The following VWDE variants were observed in gnomAD, a reference collection of about 807,000 sequenced individuals.
VWDE encodes the protein von Willebrand factor D and EGF domains, also known as von Willebrand factor D and EGF domain-containing protein.
Under a neutral mutation model 178.4 loss-of-function variants are expected in VWDE, and 207 were observed. That is an observed-to-expected ratio of 1.16 (90% CI 1.04 to 1.30). VWDE has a LOEUF of 1.30. VWDE is among the 50% of genes most tolerant of loss of function. The pLI is 0.00. For synonymous variants in VWDE, 738 were observed against 651.4 expected (o/e 1.13, Z -2.02); for missense variants, 2,287 against 1,901.3 (o/e 1.20, Z -3.77).
chr7:12,356,614 C>A (rs991619498), intron 17 of VWDE, among the ~76,000 whole-genome samples: 5 of 152,020 alleles, frequency 3.3e-5, no homozygotes, highest in Non-Finnish European at 5.9e-5. Flanking sequence ...GCAAGTAGAA[C>A]AACTTAAAAA....
rs2128567137 is a variant in VWDE at position 12,403,656 on chromosome 7, T to G, written c.58+3A>C. ...CCACCCCCGCGCGCCCTACCTCGCT[T>G]ACCTTCCCCCCAGGCCAGGAACATC... On this transcript the variant is annotated splice_donor_region_variant and intron_variant, in intron 1 of 28. Transcript: ENST00000275358. 1 of 1,543,042 alleles carries G rather than the reference T, an allele frequency of 6.5e-7. No individual in the cohort carries two copies. Among genetic ancestry groups the G allele is most frequent in the Non-Finnish European group, 8.7e-7 (1 of 1,145,532 alleles).
Position 12,370,772 on chromosome 7 carries a change from GTT to G in VWDE, c.1678_1679del (p.Asn560HisfsTer9). The G allele has an allele frequency of 1.3e-6, 2 of 1,549,518 alleles. No homozygotes were observed. Reference protein sequence around the residue: ...TIRAPSVDYRNTLGLCGTFDE... With the variant: ...TIRAPSVDYRXTLGLCGTFDE... Reference sequence around the variant, plus strand: ...CAAAGGTTCCACAAAGTCCCAGAGTGTTTCTGTAATCTACACTAGGGGCTCTG... The same window carrying G: ...CAAAGGTTCCACAAAGTCCCAGAGTGTCTGTAATCTACACTAGGGGCTCTG... On this transcript the variant is annotated frameshift_variant, in exon 11 of 29. Coordinates refer to ENST00000275358, the MANE Select transcript of VWDE (RefSeq NM_001135924.3). LOFTEE classifies it high-confidence loss of function.
rs1583370444 is a variant in VWDE, at chr7:12,403,648, A to C, written c.58+11T>G. The C allele has an allele frequency of 6.5e-7, 1 of 1,539,966 alleles. No individual in the cohort carries two copies. Among genetic ancestry groups the C allele is most frequent in the Admixed American group, 2.0e-5 (1 of 50,860 alleles). ...CTGCGCGCCCACCCCCGCGCGCCCTACCTCGCTTACCTTCCCCCCAGGCCA... is the reference window on the plus strand; with the variant it reads ...CTGCGCGCCCACCCCCGCGCGCCCTCCCTCGCTTACCTTCCCCCCAGGCCA... On this transcript the variant is annotated intron_variant, in intron 1 of 28. Transcript: ENST00000275358.
At chr7:12,397,531 T>A (rs767962787) in intron 1 of VWDE, among the ~76,000 whole-genome samples, 5 of 152,026 alleles carry the variant, frequency 3.3e-5, no homozygotes, top group Non-Finnish European at 5.9e-5. Flanking sequence ...TATGACTAAG[T>A]TCTCAAAAGC....
chr7:12,396,221 T>G (rs1048748226), intron 1 of VWDE, among the ~76,000 whole-genome samples: 4 of 152,158 alleles, frequency 2.6e-5, no homozygotes, highest in African/African-American at 9.7e-5. Flanking sequence ...CAGTTTAATG[T>G]AATGACCAAC....
chr7:12,361,211 G>A lies in VWDE; in HGVS notation c.3095C>T (p.Thr1032Met), dbSNP rs2053380. 1,117,060 of 1,542,508 alleles carry A rather than the reference G, an allele frequency of 0.72. 407,737 individuals are homozygous for A. The highest frequency in any genetic ancestry group is 0.88 in the African/African-American group (64,099 of 72,982). The change falls in exon 15 of 29, where the codon ACG becomes ATG. Residue 1032 changes from threonine (T) to methionine (M), a missense_variant. Coordinates refer to ENST00000275358, the MANE Select transcript of VWDE (RefSeq NM_001135924.3). ...TTGGCAAGCACCATCATATATGACC[G>A]TTATTTTGGGATTACTGAATTTATA... ...DGYKFSNPKI[T>M]VIYDGACQVC...
At position 12,330,940 on chromosome 7, in the gene VWDE, A is replaced by T. The variant is rs1443908602; in HGVS notation, c.*243T>A. 6 of 427,792 alleles carry T rather than the reference A, an allele frequency of 1.4e-5. No individual in the cohort carries two copies. Among genetic ancestry groups the T allele is most frequent in the Non-Finnish European group, 2.5e-5 (6 of 238,966 alleles). The allele number at this position is 427,792 out of a possible 1,614,324, so 26.5% of individuals were successfully genotyped here. ...ATATTGTGAATGGGTGGAATATCAGATACATCATCTCAATATGTAAATATC... is the reference window on the plus strand; with the variant it reads ...ATATTGTGAATGGGTGGAATATCAGTTACATCATCTCAATATGTAAATATC... On this transcript the variant is annotated 3_prime_UTR_variant, in exon 29 of 29. Transcript: ENST00000275358.
At chr7:12,393,333 T>A (rs1784473382) in intron 2 of VWDE, among the ~76,000 whole-genome samples, 1 of 152,160 alleles carries the variant, frequency 6.6e-6, no homozygotes, top group Non-Finnish European at 1.5e-5. Flanking sequence ...TTGATGGAAA[T>A]GATGATAGAT....
In VWDE at chr7:12,369,983, G is replaced by C. The variant is rs1488896624; in HGVS notation, c.2323C>G (p.Leu775Val). Residue 775 changes from leucine to valine, a missense_variant, in exon 12 of 29, where the codon CTT (leucine) becomes GTT (valine). By Grantham distance (32) the Leu-to-Val change is conservative. Coordinates refer to ENST00000275358, the MANE Select transcript of VWDE (RefSeq NM_001135924.3). ...TGGTCCTCTGGGAAAAAATAAGTAA[G>C]TTCTTCCAGATCCGTTTGGCTGAGA... is the stretch of plus-strand genomic sequence containing the variant. ...PSLSQTDLEE[L>V]TYFFPEDHAE... 6.4e-7 allele frequency: 1 copy of C among 1,551,316 alleles called. No individual in the cohort carries two copies. Among genetic ancestry groups the C allele is most frequent in the Non-Finnish European group, 8.7e-7 (1 of 1,146,886 alleles).
chr7:12,361,201 A>G lies in VWDE; in HGVS notation c.3105T>C (p.Tyr1035=). 1 of 1,548,326 alleles carries G rather than the reference A, an allele frequency of 6.5e-7. No homozygotes were observed. The highest frequency in any genetic ancestry group is 1.2e-5 in the South Asian group (1 of 83,902). Reference sequence around the variant, plus strand: ...GACCACAAACTTGGCAAGCACCATCATATATGACCGTTATTTTGGGATTAC... The same window carrying G: ...GACCACAAACTTGGCAAGCACCATCGTATATGACCGTTATTTTGGGATTAC... The part of the protein sequence containing the change: ...KFSNPKITVI[Y]DGACQVCGLY... Residue 1035 remains tyrosine (Y), a synonymous_variant, in exon 15 of 29, where the codon TAT becomes TAC. Coordinates refer to ENST00000275358, the MANE Select transcript of VWDE (RefSeq NM_001135924.3).
At chr7:12,360,281 C>T (rs1165173020) in intron 15 of VWDE, among the ~76,000 whole-genome samples, 6 of 152,098 alleles carry the variant, frequency 3.9e-5, no homozygotes, top group Non-Finnish European at 4.4e-5. Flanking sequence ...GAAATATAAA[C>T]TTAGCTCATT....
intron 18 of VWDE, among the ~76,000 whole-genome samples, 172 bp downstream of exon 18, chr7:12,355,939 G>A (rs73678103): frequency 0.02 from 3,087 of 152,192 alleles, 93 homozygotes; most frequent in African/African-American, 0.071. Flanking sequence ...CATGGAACTT[G>A]CAATTTACAA....
intron 27 of VWDE, among the ~76,000 whole-genome samples, chr7:12,334,290 AAAC>A (rs1230069911): frequency 6.6e-6 from 1 of 152,198 alleles, no homozygotes; most frequent in Non-Finnish European, 1.5e-5. Flanking sequence ...TTTTGTTTTT[AAAC>A]AACATAAATT....
chr7:12,385,666 G>A (rs1784062482), intron 3 of VWDE, among the ~76,000 whole-genome samples: 1 of 152,166 alleles, frequency 6.6e-6, no homozygotes, highest in Non-Finnish European at 1.5e-5. Context: ...AAACTCTTAA[G>A]TAGATTAAGT....
rs544020247 is a variant in VWDE, at chr7:12,336,152, C to T, written c.4643G>A (p.Arg1548Gln). Residue 1548 changes from arginine to glutamine, a missense_variant, in exon 27 of 29, where the codon CGG (arginine) becomes CAG (glutamine). Arg to Gln is a conservative substitution (Grantham distance 43). Coordinates refer to ENST00000275358, the MANE Select transcript of VWDE (RefSeq NM_001135924.3). Reference protein sequence around the residue: ...CHCPSSWEGVRCQIPICNPKC... With the variant: ...CHCPSSWEGVQCQIPICNPKC... ...TCCTGTGGGCTTACGTATTTGACAC[C>T]GCACTCCTTCCCAGGAGGAAGGACA... The T allele has an allele frequency of 7.7e-6, 12 of 1,550,652 alleles. No individual in the cohort carries two copies. Among genetic ancestry groups the T allele is most frequent in the Middle Eastern group, 1.7e-4 (1 of 5,986 alleles).
At chr7:12,373,356 T>G in intron 9 of VWDE, 109 bp from the exon 10 acceptor site, 1 of 1,146,074 alleles carries the variant, frequency 8.7e-7, no homozygotes, top group Non-Finnish European at 1.2e-6. Context: ...TTGTATGCAC[T>G]GAAGGAAACA....
At chr7:12,394,601 T>C (rs1307062658) in intron 1 of VWDE, among the ~76,000 whole-genome samples, 1 of 152,118 alleles carries the variant, frequency 6.6e-6, no homozygotes, top group Non-Finnish European at 1.5e-5. Flanking sequence ...ATGCAACTCT[T>C]GTTTGAGGCT....
At chr7:12,350,677 A>T (rs4532495) in intron 19 of VWDE, among the ~76,000 whole-genome samples, 100,668 of 151,836 alleles carry the variant, frequency 0.66, 34,931 homozygotes, top group African/African-American at 0.89. Flanking sequence ...CTCAGGCTCA[A>T]CTCTCTCTCC....
chr7:12,397,735 T>C (rs1326640796), intron 1 of VWDE, among the ~76,000 whole-genome samples: 1 of 151,938 alleles, frequency 6.6e-6, no homozygotes, highest in African/African-American at 2.4e-5. Context: ...AACAACCCCA[T>C]TGAAAAGTGG....
Sources: allele counts gnomAD v4.1 joint callset (sites outside exome capture counted in the v4.1 genomes callset), GRCh38; gene constraint gnomAD v4.1.1; transcripts MANE v1.5; gene names NCBI Gene and HGNC (gene_info 2026-07-23, HGNC 2026-07-21).